CHODL: variants seen among roughly 807,000 people sequenced by gnomAD.
The protein encoded by CHODL is chondrolectin.
In CHODL, 29 loss-of-function variants were observed where a neutral mutation model predicts 34.5. The observed-to-expected ratio is 0.84, with a 90% CI of 0.63 to 1.15. The LOEUF is 1.15. Among genes scored for constraint, CHODL ranks in the 50% most tolerant of loss-of-function variants. The probability of loss-of-function intolerance (pLI) is 0.00; values close to 1 mark genes in which losing one functional copy is unlikely to be tolerated. For missense variants in CHODL, 332 were observed against 332.5 expected (o/e 1.00, Z 0.01); for synonymous variants, 125 against 116.1 (o/e 1.08, Z -0.49).
At chr21:18,136,118 AG>A (rs200736366) in intron 2 of CHODL, among the ~76,000 whole-genome samples, 2,606 of 133,466 alleles carry the variant, frequency 0.02, 42 homozygotes, top group East Asian at 0.03. Flanking sequence ...AAAAAAAAAA[AG>A]AAAAAGAAAA....
At chr21:18,140,839 CATTTT>C (rs1482164869) in intron 2 of CHODL, among the ~76,000 whole-genome samples, 1 of 151,952 alleles carries the variant, frequency 6.6e-6, no homozygotes, top group African/African-American at 2.4e-5. Context: ...TGTTTGGTAA[CATTTT>C]ATGTTGTGGC....
intron 1 of CHODL, 80 bp from the exon 2 acceptor site, chr21:18,256,429 G>A (rs192901922): frequency 7.7e-7 from 1 of 1,302,310 alleles, no homozygotes; most frequent in Admixed American, 2.5e-5. Context: ...GCTTTGACTG[G>A]TTCTTACATT....
chr21:18,104,299 T>G (rs1202876919), intron 2 of CHODL, among the ~76,000 whole-genome samples: 1 of 152,134 alleles, frequency 6.6e-6, no homozygotes, highest in Non-Finnish European at 1.5e-5. Context: ...GCTCTCATGA[T>G]AGTGAGTTCT....
At chr21:18,175,678 A>G (rs1429076864) in intron 2 of CHODL, among the ~76,000 whole-genome samples, 2 of 152,220 alleles carry the variant, frequency 1.3e-5, no homozygotes, top group Non-Finnish European at 2.9e-5. Flanking sequence ...TAACCAATAA[A>G]TGGAATACAG....
At chr21:18,187,677 C>G (rs984505287) in intron 2 of CHODL, among the ~76,000 whole-genome samples, 7 of 152,118 alleles carry the variant, frequency 4.6e-5, no homozygotes, top group Non-Finnish European at 8.8e-5. Context: ...CTCCACCTTT[C>G]TTTCTATTAC....
At chr21:18,158,608 C>A (rs34805703) in intron 2 of CHODL, among the ~76,000 whole-genome samples, 14,258 of 151,992 alleles carry the variant, frequency 0.094, 889 homozygotes, top group African/African-American at 0.17. Context: ...GAGGCCGAGG[C>A]GGGTGGATCA....
rs5842674 is a variant in CHODL at position 18,090,726 on chromosome 21, G to GAAA, written c.-45+62773_-45+62775dup. Among the ~76,000 whole-genome samples, 1,005 of 125,102 alleles carry GAAA rather than the reference G, an allele frequency of 8.0e-3. 41 individuals carry two copies. Among genetic ancestry groups the GAAA allele is most frequent in the African/African-American group, 0.029 (941 of 32,182 alleles). 82.1% of individuals were successfully genotyped at this position (125,102 alleles called of 152,430 possible). A position where few individuals can be genotyped will look rare whatever the true frequency, so the allele number is the denominator to read the frequency against. On this transcript the variant is annotated intron_variant, in intron 2 of 6. Coordinates refer to the CHODL transcript ENST00000400127. ...CAGAAACTTGCTATTATAATTTCCA[G>GAAA]AAAAAAAAAAAAAAAAAAAACTAAG...
At chr21:18,079,859 G>A (rs1407064933) in intron 2 of CHODL, among the ~76,000 whole-genome samples, 1 of 85,964 alleles carries the variant, frequency 1.2e-5, no homozygotes, top group South Asian at 3.0e-4. Context: ...ACAGTAGTGG[G>A]ATTGCTAGAT....
At chr21:18,127,298 A>T (rs1328388899) in intron 2 of CHODL, among the ~76,000 whole-genome samples, 1 of 152,172 alleles carries the variant, frequency 6.6e-6, no homozygotes, top group Non-Finnish European at 1.5e-5. Flanking sequence ...TAAAAGGATG[A>T]TTCATATGGT....
chr21:18,129,106 G>C (rs1014741812), intron 2 of CHODL, among the ~76,000 whole-genome samples: 4 of 151,888 alleles, frequency 2.6e-5, no homozygotes, highest in African/African-American at 4.8e-5. Flanking sequence ...GTCACTTGCT[G>C]TATATTCTGT....
In CHODL at chr21:18,256,676, A is replaced by T; in HGVS notation, c.247A>T (p.Met83Leu). 1 of 1,614,064 alleles carries T rather than the reference A, an allele frequency of 6.2e-7. No individual in the cohort carries two copies. The highest frequency in any genetic ancestry group is 8.5e-7 in the Non-Finnish European group (1 of 1,179,990). The change falls in exon 2 of 6, where the codon ATG (methionine) becomes TTG (leucine). Residue 83 changes from methionine (M) to leucine (L), a missense_variant. Physicochemically the swap from Met to Leu is conservative, Grantham distance 15. Coordinates refer to ENST00000299295, the MANE Select transcript of CHODL (RefSeq NM_024944.3). ...NEAEQKLIES[M>L]LQNLTKPGTG... The stretch of plus-strand genomic sequence containing the variant: ...AGCAGAACAGAAGTTAATAGAGAGC[A>T]TGTTGCAAAACCTGACAAAACCCGG...
chr21:17,999,366 C>G (rs1182565637), intron 1 of CHODL, among the ~76,000 whole-genome samples: 1 of 152,254 alleles, frequency 6.6e-6, no homozygotes, highest in Non-Finnish European at 1.5e-5. Flanking sequence ...GCTCTCCAAA[C>G]TGTTCCAACC....
intron 1 of CHODL, among the ~76,000 whole-genome samples, chr21:17,972,110 A>G (rs2146363563): frequency 6.6e-6 from 1 of 152,284 alleles, no homozygotes; most frequent in East Asian, 1.9e-4. Flanking sequence ...CCTTCATGCT[A>G]AAAACTCTCA....
chr21:18,139,865 G>A (rs1055748208), intron 2 of CHODL, among the ~76,000 whole-genome samples: 2 of 152,122 alleles, frequency 1.3e-5, no homozygotes. Flanking sequence ...TAGGGAGAAA[G>A]GTGGGAATGG....
intron 1 of CHODL, among the ~76,000 whole-genome samples, chr21:17,927,851 C>T (rs2063241131): frequency 6.6e-6 from 1 of 152,132 alleles, no homozygotes; most frequent in Non-Finnish European, 1.5e-5. Flanking sequence ...TGAATAAAGA[C>T]CTCAAATGAT....
At chr21:18,144,395 G>C (rs2072840531) in intron 2 of CHODL, among the ~76,000 whole-genome samples, 1 of 152,106 alleles carries the variant, frequency 6.6e-6, no homozygotes, top group African/African-American at 2.4e-5. Flanking sequence ...TGTACAGCTT[G>C]TTCCAATTAT....
chr21:18,261,308 T>C (rs1017061758), intron 4 of CHODL, among the ~76,000 whole-genome samples: 3 of 151,268 alleles, frequency 2.0e-5, no homozygotes, highest in African/African-American at 7.3e-5. Context: ...CCTAATTACA[T>C]ATGTAACTAA....
At chr21:18,080,811 C>G (rs1040111697) in intron 2 of CHODL, among the ~76,000 whole-genome samples, 1 of 152,116 alleles carries the variant, frequency 6.6e-6, no homozygotes, top group South Asian at 2.1e-4. Flanking sequence ...ATTGCTTTGA[C>G]TATTTAAGCT....
intron 3 of CHODL, among the ~76,000 whole-genome samples, chr21:18,258,474 AT>A (rs1298646184): frequency 1.5e-5 from 2 of 130,686 alleles, no homozygotes; most frequent in Non-Finnish European, 3.7e-5. Flanking sequence ...CCTTCATTGT[AT>A]TATATTTATT....
Sources: gnomAD v4.1 joint callset for allele counts (sites outside exome capture counted in the v4.1 genomes callset) on GRCh38, gnomAD v4.1.1 for gene constraint, MANE v1.5 for transcripts, NCBI Gene and HGNC (gene_info 2026-07-23, HGNC 2026-07-21) for gene names.